The following RBFOX3 variants were observed in gnomAD, a reference collection of about 807,000 sequenced individuals.
RBFOX3 encodes the protein RNA binding protein fox-1 homolog 3.
A neutral mutation model predicts 48.7 loss-of-function variants in RBFOX3; 17 were observed. The observed-to-expected ratio is 0.35, with a 90% CI of 0.24 to 0.52. The LOEUF (loss-of-function observed/expected upper bound fraction) is 0.52. RBFOX3 is among the 20% of genes least tolerant of loss of function. The pLI, the probability that RBFOX3 is intolerant of heterozygous loss-of-function variation, is 0.94. For synonymous variants in RBFOX3, 212 were observed against 209.5 expected (o/e 1.01, Z -0.10); for missense variants, 382 against 497.5 (o/e 0.77, Z 2.21).
rs1314301083 is a variant in RBFOX3 at position 79,481,901 on chromosome 17, G to A, written c.-175+553C>T. On this transcript the variant is annotated intron_variant, in intron 2 of 14. Coordinates refer to ENST00000693108, the MANE Select transcript of RBFOX3 (RefSeq NM_001350451.2). This position sits in a 1 kb window ranked among gnomAD's most constrained non-coding sequence, Gnocchi z 5.4. Reference sequence around the variant, plus strand: ...CTGGCAGCTTGCATTCGAAGTGAGAGCCATCTTACAGAGCACTTGGCCCAA... The same window carrying A: ...CTGGCAGCTTGCATTCGAAGTGAGAACCATCTTACAGAGCACTTGGCCCAA... Among the ~76,000 whole-genome samples the A allele has an allele frequency of 2.0e-5, 3 of 152,164 alleles. No homozygotes were observed. The highest frequency in any genetic ancestry group is 4.4e-5 in the Non-Finnish European group (3 of 68,028).
At chr17:79,506,190 A>G (rs1568356949) in intron 1 of RBFOX3, among the ~76,000 whole-genome samples, 1 of 152,232 alleles carries the variant, frequency 6.6e-6, no homozygotes, top group Non-Finnish European at 1.5e-5. Context: ...GCCCCCGGAC[A>G]TCTCCACTTC....
intron 4 of RBFOX3, among the ~76,000 whole-genome samples, chr17:79,221,121 G>A (rs972803230): frequency 6.6e-6 from 1 of 152,192 alleles, no homozygotes; most frequent in East Asian, 1.9e-4. Context: ...AGCCGATGCC[G>A]GCTGAGCGCT....
At chr17:79,496,078 G>T (rs2081493378) in intron 1 of RBFOX3, among the ~76,000 whole-genome samples, 1 of 152,036 alleles carries the variant, frequency 6.6e-6, no homozygotes, top group South Asian at 2.1e-4. Context: ...ATAGAATGCT[G>T]AACTTTTGGA....
intron 2 of RBFOX3, among the ~76,000 whole-genome samples, chr17:79,376,655 T>C (rs1293375456): frequency 6.6e-6 from 1 of 152,162 alleles, no homozygotes; most frequent in Non-Finnish European, 1.5e-5. Context: ...AGCTGCTGTC[T>C]TGCAGCCAGG....
intron 2 of RBFOX3, among the ~76,000 whole-genome samples, chr17:79,396,905 G>C (rs538605216): frequency 6.6e-6 from 1 of 152,370 alleles, no homozygotes; most frequent in South Asian, 2.1e-4. Context: ...GCCGGGCCAG[G>C]GTGGGACCTG....
At chr17:79,139,295 C>T (rs980513073) in intron 4 of RBFOX3, among the ~76,000 whole-genome samples, 119 of 152,262 alleles carry the variant, frequency 7.8e-4, no homozygotes, top group African/African-American at 2.6e-3. Context: ...AGGGCTGTGC[C>T]CACCCCAGAG....
intron 3 of RBFOX3, among the ~76,000 whole-genome samples, chr17:79,292,679 G>T (rs1401876544): frequency 2.0e-5 from 3 of 152,094 alleles, no homozygotes; most frequent in Non-Finnish European, 2.9e-5. Flanking sequence ...AGCATGGGCT[G>T]CTTTCGCTGT....
chr17:79,091,791 G>A (rs1244915219), intron 14 of RBFOX3, among the ~76,000 whole-genome samples: 1 of 152,208 alleles, frequency 6.6e-6, no homozygotes, highest in African/African-American at 2.4e-5. Context: ...CCTGGCCTTG[G>A]CCCTGCGGTG....
chr17:79,124,751 C>G (rs2036713155), intron 4 of RBFOX3, among the ~76,000 whole-genome samples: 1 of 152,252 alleles, frequency 6.6e-6, no homozygotes, highest in Non-Finnish European at 1.5e-5. Flanking sequence ...TACCCCGCCT[C>G]TGCTCCATGA....
chr17:79,485,885 G>A (rs982688647), intron 1 of RBFOX3, among the ~76,000 whole-genome samples: 64 of 152,218 alleles, frequency 4.2e-4, no homozygotes, highest in Non-Finnish European at 6.8e-4. Context: ...GTTTTGACCC[G>A]AGCTGAGTGG....
At chr17:79,154,171 TG>T (rs1422741114) in intron 4 of RBFOX3, among the ~76,000 whole-genome samples, 9 of 140,946 alleles carry the variant, frequency 6.4e-5, no homozygotes, top group Non-Finnish European at 1.2e-4. Context: ...CACCAGAGTC[TG>T]TGTTCAGTTC....
In RBFOX3 at chr17:79,518,318, C is replaced by G. The variant is rs1028727819; in HGVS notation, c.-319-35720G>C. Among the ~76,000 whole-genome samples, 413 of 152,308 alleles carry G rather than the reference C, an allele frequency of 2.7e-3. 7 individuals carry two copies. In the South Asian group the frequency reaches 0.046, roughly 17 times the overall value. On this transcript the variant is annotated intron_variant, in intron 1 of 14. Coordinates refer to ENST00000693108, the MANE Select transcript of RBFOX3 (RefSeq NM_001350451.2). ...TATCACTCTTTCAAGCGCACAGACCCACTATATACGATCTATGACAGCAGC... is the reference window on the plus strand; with the variant it reads ...TATCACTCTTTCAAGCGCACAGACCGACTATATACGATCTATGACAGCAGC...
the RBFOX3 span, among the ~76,000 whole-genome samples, chr17:79,617,811 A>C: frequency 6.6e-6 from 1 of 152,240 alleles, no homozygotes; most frequent in African/African-American, 2.4e-5. Context: ...GAGAACACTG[A>C]GGCCCAGAAT....
intron 2 of RBFOX3, chr17:79,424,125 G>A (rs1195888428): frequency 6.6e-6 from 1 of 152,396 alleles, no homozygotes; most frequent in Non-Finnish European, 1.5e-5. Context: ...GCTCACAGCA[G>A]AAGCTCCCTG....
intron 4 of RBFOX3, among the ~76,000 whole-genome samples, chr17:79,180,072 G>T (rs2146047736): frequency 6.6e-6 from 1 of 152,342 alleles, no homozygotes; most frequent in Middle Eastern, 3.4e-3. Flanking sequence ...AGTTCTCCTG[G>T]TGTCAGATGA....
In RBFOX3 at chr17:79,111,314, T is replaced by G. The variant is rs529113049; in HGVS notation, c.222+4180A>C. Among the ~76,000 whole-genome samples the G allele has an allele frequency of 4.2e-4, 64 of 152,188 alleles. No individual in the cohort carries two copies. Among genetic ancestry groups the G allele is most frequent in the African/African-American group, 1.5e-3 (61 of 41,550 alleles). ...CCCTTGCGGCCCACGTGGGGTCCCT[T>G]CTGGCAGGTGGAGGAGCCCACGTGG... is the stretch of plus-strand genomic sequence containing the variant. On this transcript the variant is annotated intron_variant, in intron 5 of 14. Coordinates refer to ENST00000693108, the MANE Select transcript of RBFOX3 (RefSeq NM_001350451.2). This position sits in a 1 kb window ranked among gnomAD's most constrained non-coding sequence, Gnocchi z 4.2.
In RBFOX3 at chr17:79,391,974, C is replaced by T. The variant is rs1265616974; in HGVS notation, c.-174-84150G>A. ...ACGTGCTCCCCCTGGTGGAAGGAAA[C>T]TTGTATGGCAACGCTCCCGCCAGGG... On this transcript the variant is annotated intron_variant, in intron 2 of 14. Transcript: ENST00000693108. This position sits in a 1 kb window ranked among gnomAD's most constrained non-coding sequence, Gnocchi z 5.0. Among the ~76,000 whole-genome samples, 1 of 152,174 alleles carries T rather than the reference C, an allele frequency of 6.6e-6. No individual in the cohort carries two copies. The highest frequency in any genetic ancestry group is 2.4e-5 in the African/African-American group (1 of 41,434).
At chr17:79,122,447 T>C (rs900469305) in intron 4 of RBFOX3, among the ~76,000 whole-genome samples, 6 of 152,164 alleles carry the variant, frequency 3.9e-5, no homozygotes, top group African/African-American at 7.2e-5. Context: ...CACAGGTGTA[T>C]AAAAAGGTGC....
At chr17:79,519,285 G>A (rs910347470) in intron 1 of RBFOX3, among the ~76,000 whole-genome samples, 5 of 152,238 alleles carry the variant, frequency 3.3e-5, no homozygotes, top group Admixed American at 3.3e-4. Context: ...TCCCCACAGA[G>A]TGCTCCTGCC....
Sources: gnomAD v4.1 joint callset for allele counts (sites outside exome capture counted in the v4.1 genomes callset) on GRCh38, gnomAD v4.1.1 for gene constraint, Gnocchi (gnomAD v3.1) non-coding constraint, MANE v1.5 for transcripts, NCBI Gene and HGNC (gene_info 2026-07-23, HGNC 2026-07-21) for gene names.